The following ABI1 variants were observed in gnomAD, a reference collection of about 807,000 sequenced individuals.
ABI1 encodes the protein abl interactor 1, also known as Abelson interactor 1.
In ABI1, 14 loss-of-function variants were observed where a neutral mutation model predicts 54.6. That is an observed-to-expected ratio of 0.26 (90% CI 0.17 to 0.40). ABI1 has a LOEUF of 0.40. ABI1 is among the 10% of genes least tolerant of loss of function. ABI1 has a pLI of 1.00. For synonymous variants in ABI1, 194 were observed against 209.3 expected (o/e 0.93, Z 0.63); for missense variants, 443 against 598.3 (o/e 0.74, Z 2.71).
Position 26,746,787 on chromosome 10 carries a change from T to G in ABI1, c.*1783A>C. The G allele has an allele frequency of 2.4e-6, 1 of 408,948 alleles. No homozygotes were observed. The highest frequency in any genetic ancestry group is 4.4e-5 in the East Asian group (1 of 22,862). The allele number at this position is 408,948 out of a possible 1,614,324, so 25.3% of individuals were successfully genotyped here. A position where few individuals can be genotyped will look rare whatever the true frequency, so the allele number is the denominator to read the frequency against. ...CCATTACACAAATAAATAACCAATG[T>G]TAAAATTCAAATGGTTTGTCTTGAT... is the stretch of plus-strand genomic sequence containing the variant. On this transcript the variant is annotated 3_prime_UTR_variant, in exon 11 of 11. Transcript: ENST00000376140.
At chr10:26,836,557 T>C (rs1407503757) in intron 1 of ABI1, among the ~76,000 whole-genome samples, 1 of 152,210 alleles carries the variant, frequency 6.6e-6, no homozygotes, top group Admixed American at 6.5e-5. Context: ...TTATGAGTGA[T>C]TTATGTTTTC....
At position 26,860,002 on chromosome 10, in the gene ABI1, T is replaced by TA. The variant is rs78526812; in HGVS notation, c.117+744dup. Among the ~76,000 whole-genome samples the TA allele has an allele frequency of 0.023, 3,548 of 151,004 alleles. 232 individuals carry two copies. The highest frequency in any genetic ancestry group is 0.2 in the East Asian group (1,050 of 5,130). On this transcript the variant is annotated intron_variant, in intron 1 of 10. Coordinates refer to ENST00000376140, the MANE Select transcript of ABI1 (RefSeq NM_001012750.3). The surrounding 1 kb of genome is among the most constrained non-coding windows in gnomAD (Gnocchi z 4.1). ...GAAAACGATGAGAGGGGGAAAAAAA[T>TA]AAAAAAAACCCGACTTGAAAATGGA...
At chr10:26,824,287 GA>G (rs892338353) in intron 1 of ABI1, among the ~76,000 whole-genome samples, 110 of 152,296 alleles carry the variant, frequency 7.2e-4, no homozygotes, top group African/African-American at 2.4e-3. Flanking sequence ...AAAGCTGTGA[GA>G]AAAAACTCTG....
chr10:26,794,395 C>T (rs1843856886), intron 2 of ABI1, among the ~76,000 whole-genome samples: 1 of 151,850 alleles, frequency 6.6e-6, no homozygotes, highest in Non-Finnish European at 1.5e-5. Context: ...GGTGACAAAA[C>T]AAGACCATGT....
At chr10:26,762,684 C>T (rs986866383) in intron 7 of ABI1, among the ~76,000 whole-genome samples, 60 of 152,078 alleles carry the variant, frequency 3.9e-4, no homozygotes, top group African/African-American at 1.4e-3. Flanking sequence ...AAAATTCTAC[C>T]GTATAGTTAT....
chr10:26,831,730 T>G (rs1223080841), intron 1 of ABI1, among the ~76,000 whole-genome samples: 2 of 96,642 alleles, frequency 2.1e-5, no homozygotes, highest in Non-Finnish European at 3.6e-5. Context: ...CCAGGTATCT[T>G]GTAAAAAAAA....
intron 7 of ABI1, among the ~76,000 whole-genome samples, chr10:26,760,755 A>C (rs1201395254): frequency 6.6e-6 from 1 of 151,842 alleles, no homozygotes; most frequent in East Asian, 1.9e-4. Flanking sequence ...CTGGGCATGG[A>C]GGCATATGCC....
Position 26,747,770 on chromosome 10 carries a change from A to AT in ABI1, c.*799dup. On this transcript the variant is annotated 3_prime_UTR_variant, in exon 11 of 11. Coordinates refer to ENST00000376140, the MANE Select transcript of ABI1 (RefSeq NM_001012750.3). ...TGGGACAGATTAAGATAAGGCTAAA[A>AT]TTTTTTTCCAAGTTAACATATTGAG... 1 of 196,044 alleles carries AT rather than the reference A, an allele frequency of 5.1e-6. No homozygotes were observed. The highest frequency in any genetic ancestry group is 1.1e-5 in the Non-Finnish European group (1 of 94,768). The allele number at this position is 196,044 out of a possible 1,614,324, so 12.1% of individuals were successfully genotyped here. A position where few individuals can be genotyped will look rare whatever the true frequency, so the allele number is the denominator to read the frequency against.
chr10:26,768,111 AT>A (rs1175715298), intron 6 of ABI1, among the ~76,000 whole-genome samples: 1 of 152,074 alleles, frequency 6.6e-6, no homozygotes, highest in East Asian at 1.9e-4. Flanking sequence ...TCTTAAAAAA[AT>A]CTCCCTCAGA....
chr10:26,791,627 A>T (rs980890091), intron 2 of ABI1, among the ~76,000 whole-genome samples: 2 of 152,230 alleles, frequency 1.3e-5, no homozygotes, highest in African/African-American at 4.8e-5. Flanking sequence ...ACGAAGCCAT[A>T]GTAAAGAAGA....
chr10:26,768,284 A>G (rs1588805803), intron 6 of ABI1, among the ~76,000 whole-genome samples: 4 of 150,692 alleles, frequency 2.7e-5, no homozygotes, highest in African/African-American at 7.3e-5. Context: ...AGTGGCTCAC[A>G]CCTGTAATCC....
intron 2 of ABI1, among the ~76,000 whole-genome samples, chr10:26,811,852 T>C (rs994577097): frequency 6.6e-6 from 1 of 152,132 alleles, no homozygotes; most frequent in African/African-American, 2.4e-5. Flanking sequence ...AAGATTTGTA[T>C]AAAGTTTTTA....
intron 2 of ABI1, among the ~76,000 whole-genome samples, chr10:26,789,821 CT>C (rs1193140199): frequency 1.3e-5 from 2 of 152,174 alleles, no homozygotes; most frequent in East Asian, 3.8e-4. Flanking sequence ...CACTGTTCCC[CT>C]CTATGTGTCC....
At chr10:26,809,569 A>T (rs2047095564) in intron 2 of ABI1, among the ~76,000 whole-genome samples, 1 of 152,178 alleles carries the variant, frequency 6.6e-6, no homozygotes, top group African/African-American at 2.4e-5. Flanking sequence ...AAATAAATAA[A>T]TAAATAAAAT....
intron 1 of ABI1, among the ~76,000 whole-genome samples, chr10:26,836,165 T>C (rs1462900289): frequency 2.0e-5 from 3 of 152,140 alleles, no homozygotes; most frequent in Non-Finnish European, 4.4e-5. Context: ...CAGGCTGCAG[T>C]GTAGTGGCGC....
rs1319401751 is a variant in ABI1, at chr10:26,798,639, G to A, written c.286-21398C>T. Among the ~76,000 whole-genome samples the A allele has an allele frequency of 2.0e-5, 3 of 151,696 alleles. No homozygotes were observed. In the East Asian group the frequency reaches 5.8e-4, roughly 29 times the overall value. On this transcript the variant is annotated intron_variant, in intron 2 of 10. Transcript: ENST00000376140. ...TAAGCCACTAAATTTGCGGTGATTT[G>A]TTACAGCAACTATAGGAAACTAAGG...
In ABI1 at chr10:26,825,546, A is replaced by G. The variant is rs2133832842; in HGVS notation, c.118-2241T>C. On this transcript the variant is annotated intron_variant, in intron 1 of 10. Transcript: ENST00000376140. ...CATGGTGGTATGTGCCTGTAATCCC[A>G]GCTACTTGGGAGGCTGAGGCAGGAG... Among the ~76,000 whole-genome samples the G allele has an allele frequency of 2.0e-5, 3 of 152,048 alleles. No homozygotes were observed. The South Asian group carries it at 6.3e-4, about 32-fold the overall frequency.
chr10:26,847,080 C>T (rs1419535604), intron 1 of ABI1, among the ~76,000 whole-genome samples: 2 of 152,152 alleles, frequency 1.3e-5, no homozygotes, highest in Admixed American at 1.3e-4. Flanking sequence ...CAGTCTGACA[C>T]ATAATACGTG....
intron 2 of ABI1, among the ~76,000 whole-genome samples, chr10:26,789,403 T>G (rs543667755): frequency 6.6e-6 from 1 of 152,180 alleles, no homozygotes; most frequent in African/African-American, 2.4e-5. Context: ...ATACACACAT[T>G]TGAATTACAT....
Sources: gnomAD v4.1 joint callset for allele counts (sites outside exome capture counted in the v4.1 genomes callset) on GRCh38, gnomAD v4.1.1 for gene constraint, Gnocchi (gnomAD v3.1) non-coding constraint, MANE v1.5 for transcripts, NCBI Gene and HGNC (gene_info 2026-07-23, HGNC 2026-07-21) for gene names.